KIF3A: variants seen among roughly 807,000 people sequenced by gnomAD.
KIF3A encodes kinesin-like protein KIF3A.
A neutral mutation model predicts 92.6 loss-of-function variants in KIF3A; 27 were observed. The ratio of observed to expected loss-of-function variants is 0.29; its 90% CI spans 0.21 to 0.40. The LOEUF (loss-of-function observed/expected upper bound fraction) is 0.40, where lower values mean the gene tolerates loss of function less well. Among genes scored for constraint, KIF3A ranks in the 10% least tolerant of loss-of-function variants. The pLI is 1.00. For synonymous variants in KIF3A, 250 were observed against 275.4 expected (o/e 0.91, Z 0.92); for missense variants, 581 against 872.6 (o/e 0.67, Z 4.21).
At chr5:132,709,317 A>C (rs1259266961) in intron 9 of KIF3A, among the ~76,000 whole-genome samples, 1 of 152,218 alleles carries the variant, frequency 6.6e-6, no homozygotes, top group African/African-American at 2.4e-5. Flanking sequence ...TAGTCTACTG[A>C]AACTATTTAG....
rs561937140 is a variant in KIF3A at position 132,708,837 on chromosome 5, T to C, written c.1300+70A>G. On this transcript the variant is annotated intron_variant, in intron 10 of 18. Transcript: ENST00000403231. ...GTAATGACAGGGAGTGGTGCAGCATTGCTCAAATGAAGCCCATGGGTTATG... is the reference window on the plus strand; with the variant it reads ...GTAATGACAGGGAGTGGTGCAGCATCGCTCAAATGAAGCCCATGGGTTATG... 270 of 1,001,552 alleles carry C rather than the reference T, an allele frequency of 2.7e-4. 1 individual carries two copies. The highest frequency in any genetic ancestry group is 4.0e-4 in the Non-Finnish European group (258 of 648,960). 62.0% of individuals were successfully genotyped at this position (1,001,552 alleles called of 1,614,324 possible).
At chr5:132,732,368 T>C (rs1250888454) in intron 2 of KIF3A, among the ~76,000 whole-genome samples, 2 of 152,322 alleles carry the variant, frequency 1.3e-5, no homozygotes, top group East Asian at 3.9e-4. Flanking sequence ...TAAAAGAATG[T>C]TCAAAGTAAC....
chr5:132,736,242 GTATT>G (rs1297564260), intron 1 of KIF3A, among the ~76,000 whole-genome samples: 1 of 152,190 alleles, frequency 6.6e-6, no homozygotes, highest in Non-Finnish European at 1.5e-5. Flanking sequence ...TTGGTTCATA[GTATT>G]TAAAGAGCTT....
chr5:132,733,469 T>C (rs896254791), intron 2 of KIF3A, among the ~76,000 whole-genome samples: 2 of 152,186 alleles, frequency 1.3e-5, no homozygotes, highest in Non-Finnish European at 2.9e-5. Flanking sequence ...GAAATTAAGA[T>C]ATAAATAAAT....
rs1432534924 is a variant in KIF3A at position 132,703,456 on chromosome 5, T to C, written c.1466+7A>G. ...TCATGAATTCATCTCAATTCAATAA[T>C]ACTCACTGGGCTTTAAGAAGATCTT... is the stretch of plus-strand genomic sequence containing the variant. On this transcript the variant is annotated splice_region_variant and intron_variant, in intron 12 of 18. Transcript: ENST00000403231. The C allele has an allele frequency of 8.2e-6, 13 of 1,594,816 alleles. No homozygotes were observed. Among genetic ancestry groups the C allele is most frequent in the Non-Finnish European group, 1.1e-5 (13 of 1,168,856 alleles).
At position 132,720,600 on chromosome 5, in the gene KIF3A, T is replaced by C. The variant is rs1463568089; in HGVS notation, c.616+9A>G. ...CAGATGCTTAATCACAATTACACAC[T>C]ATACTTACGATTTTTGTGGCCTAGC... On this transcript the variant is annotated intron_variant, in intron 5 of 18. Transcript: ENST00000403231. The C allele has an allele frequency of 6.4e-6, 10 of 1,565,144 alleles. 1 individual carries two copies. Among genetic ancestry groups the C allele is most frequent in the Middle Eastern group, 3.4e-4 (2 of 5,922 alleles).
intron 6 of KIF3A, 147 bp from the exon 7 acceptor site, chr5:132,716,589 TG>T: frequency 1.3e-6 from 1 of 778,856 alleles, no homozygotes; most frequent in Non-Finnish European, 2.0e-6. Flanking sequence ...AAGGAAGAAG[TG>T]GGGGAGAGTA....
At chr5:132,689,610 A>G (rs898031952), downstream of KIF3A, 3 of 152,238 alleles carry the variant, frequency 2.0e-5, no homozygotes, top group Non-Finnish European at 4.4e-5. Context: ...GAGAATCTTC[A>G]CAAGATGATA....
chr5:132,730,074 G>T (rs553221780), intron 2 of KIF3A, among the ~76,000 whole-genome samples: 14 of 152,264 alleles, frequency 9.2e-5, no homozygotes, highest in Admixed American at 7.8e-4. Context: ...CATACTAAAA[G>T]AATAATAAGG....
At chr5:132,708,388 C>T (rs1414233343) in intron 10 of KIF3A, among the ~76,000 whole-genome samples, 8 of 151,244 alleles carry the variant, frequency 5.3e-5, no homozygotes, top group African/African-American at 1.9e-4. Context: ...TTCATCTTTA[C>T]TTGCTTCAAG....
At chr5:132,715,401 A>AC (rs1209161010) in intron 8 of KIF3A, among the ~76,000 whole-genome samples, 3 of 152,238 alleles carry the variant, frequency 2.0e-5, no homozygotes, top group Non-Finnish European at 4.4e-5. Flanking sequence ...GTTAGTTGAT[A>AC]TTGATTGCAA....
At chr5:132,701,502 CAAAAAAA>C (rs5871462) in intron 15 of KIF3A, among the ~76,000 whole-genome samples, 1 of 101,218 alleles carries the variant, frequency 9.9e-6, no homozygotes, top group African/African-American at 3.6e-5. Flanking sequence ...GTCTCCCTGA[CAAAAAAA>C]AAAAAAAAAA....
intron 4 of KIF3A, among the ~76,000 whole-genome samples, chr5:132,722,146 C>T (rs2299004): frequency 0.56 from 85,871 of 152,106 alleles, 26,922 homozygotes; most frequent in Non-Finnish European, 0.73. Context: ...AATGGACATT[C>T]TTCAAACTGA....
At chr5:132,700,562 T>C in intron 16 of KIF3A, 85 bp downstream of exon 16, 1 of 901,872 alleles carries the variant, frequency 1.1e-6, no homozygotes, top group Non-Finnish European at 1.8e-6. Context: ...CTGGACCATG[T>C]TCCTCCCCAC....
intron 5 of KIF3A, among the ~76,000 whole-genome samples, chr5:132,719,269 GC>G (rs1298506185): frequency 5.5e-4 from 83 of 152,186 alleles, no homozygotes; most frequent in Non-Finnish European, 9.6e-4. Context: ...AAGTTAAACA[GC>G]CTTTCACATA....
chr5:132,731,780 G>A (rs188444676), intron 2 of KIF3A, among the ~76,000 whole-genome samples: 95 of 151,432 alleles, frequency 6.3e-4, no homozygotes, highest in Non-Finnish European at 1.2e-3. Context: ...GCACGATCTT[G>A]GTTCACTGCA....
chr5:132,724,837 AT>A (rs1753979584), intron 4 of KIF3A, among the ~76,000 whole-genome samples: 1 of 35,604 alleles, frequency 2.8e-5, no homozygotes, highest in Non-Finnish European at 8.7e-5. Flanking sequence ...ATATATATAT[AT>A]ATATATATAT....
chr5:132,713,180 C>T (rs2149903708), intron 8 of KIF3A, among the ~76,000 whole-genome samples: 1 of 152,010 alleles, frequency 6.6e-6, no homozygotes, highest in East Asian at 1.9e-4. Context: ...ACAACAACAA[C>T]AACAACAACA....
At chr5:132,719,655 C>A (rs543882486) in intron 5 of KIF3A, among the ~76,000 whole-genome samples, 39 of 151,930 alleles carry the variant, frequency 2.6e-4, no homozygotes, top group Admixed American at 1.3e-4. Flanking sequence ...CCACTCCCAG[C>A]TAATTTTTGT....
Sources: allele counts gnomAD v4.1 joint callset (sites outside exome capture counted in the v4.1 genomes callset), GRCh38; gene constraint gnomAD v4.1.1; transcripts MANE v1.5; gene names NCBI Gene and HGNC (gene_info 2026-07-23, HGNC 2026-07-21).